ZNF619: variants seen among roughly 807,000 people sequenced by gnomAD.
ZNF619 encodes zinc finger protein 619.
ZNF619 carries 9 observed loss-of-function variants against 14.2 expected under a neutral mutation model. That is an observed-to-expected ratio of 0.64 (90% CI 0.38 to 1.11). The LOEUF (loss-of-function observed/expected upper bound fraction) is 1.11. Ranked by LOEUF, ZNF619 falls within the 50% of genes least tolerant of loss-of-function variation. The pLI is 0.01. For missense variants in ZNF619, 659 were observed against 680.1 expected, an observed-to-expected ratio of 0.97 and a Z score of 0.34; for synonymous variants, 246 against 252.8, an observed-to-expected ratio of 0.97 and a Z score of 0.26.
intron 2 of ZNF619, among the ~76,000 whole-genome samples, chr3:40,478,926 T>C (rs1159285555): frequency 6.6e-6 from 1 of 152,208 alleles, no homozygotes; most frequent in Non-Finnish European, 1.5e-5. Context: ...TGTGCTCTCC[T>C]GGTGCTTTGC....
At position 40,487,185 on chromosome 3, in the gene ZNF619, T is replaced by G. The variant is rs1697624299; in HGVS notation, c.675T>G (p.Val225=). The G allele has an allele frequency of 6.2e-7, 1 of 1,614,164 alleles. No individual in the cohort carries two copies. Among genetic ancestry groups the G allele is most frequent in the Non-Finnish European group, 8.5e-7 (1 of 1,180,032 alleles). The change falls in exon 5 of 5, where the codon GTT becomes GTG. Residue 225 remains valine (V), a synonymous_variant. Coordinates refer to ENST00000432264, the MANE Select transcript of ZNF619 (RefSeq NM_001145093.4). ...CAGACTTTCACCTGCATCAGAGAGT[T>G]CACACTAATGAGAAGCCCTACACAT... The part of the protein sequence containing the change: ...PHSDFHLHQR[V]HTNEKPYTCK...
In ZNF619 at chr3:40,488,799, C is replaced by G. The variant is rs1172846775; in HGVS notation, c.*558C>G. 6.6e-6 allele frequency: 1 copy of G among 152,584 alleles called. No individual in the cohort carries two copies. The highest frequency in any genetic ancestry group is 2.4e-5 in the African/African-American group (1 of 41,354). 9.5% of individuals were successfully genotyped at this position (152,584 alleles called of 1,614,324 possible). On this transcript the variant is annotated 3_prime_UTR_variant, in exon 5 of 5. Coordinates refer to ENST00000432264, the MANE Select transcript of ZNF619 (RefSeq NM_001145093.4). ...CCTCAGCCTCCCGAGTAGCTGGGAC[C>G]ACAGGCATGCACCACCACGCCCCGC...
rs117850976 is a variant in ZNF619, at chr3:40,482,975, C to T, written c.295+271C>T. On this transcript the variant is annotated intron_variant, in intron 4 of 4. Coordinates refer to ENST00000432264, the MANE Select transcript of ZNF619 (RefSeq NM_001145093.4). ...ACCTATATCCGAGCACTTTGGGAGGCCAAGGTGGGAGGGTGCTTGAGGCCA... is the reference window on the plus strand; with the variant it reads ...ACCTATATCCGAGCACTTTGGGAGGTCAAGGTGGGAGGGTGCTTGAGGCCA... Among the ~76,000 whole-genome samples, 114 of 152,264 alleles carry T rather than the reference C, an allele frequency of 7.5e-4. 1 individual carries two copies. In the East Asian group the frequency reaches 0.018, roughly 24 times the overall value.
In ZNF619 at chr3:40,488,429, C is replaced by T; in HGVS notation, c.*188C>T. The T allele has an allele frequency of 1.8e-6, 1 of 568,452 alleles. No individual in the cohort carries two copies. Among genetic ancestry groups the T allele is most frequent in the Non-Finnish European group, 3.1e-6 (1 of 323,584 alleles). 35.2% of individuals were successfully genotyped at this position (568,452 alleles called of 1,614,324 possible). A position where few individuals can be genotyped will look rare whatever the true frequency, so the allele number is the denominator to read the frequency against. On this transcript the variant is annotated 3_prime_UTR_variant, in exon 5 of 5. Transcript: ENST00000432264. Reference sequence around the variant, plus strand: ...TCTTTTATCCCCCGGTAGGAAATGGCAGTACTTATTCTTTATCGTGTCCAC... The same window carrying T: ...TCTTTTATCCCCCGGTAGGAAATGGTAGTACTTATTCTTTATCGTGTCCAC...
chr3:40,481,954 C>T lies in ZNF619; in HGVS notation c.116C>T (p.Pro39Leu). The T allele has an allele frequency of 6.2e-7, 1 of 1,613,580 alleles. No individual in the cohort carries two copies. Among genetic ancestry groups the T allele is most frequent in the Non-Finnish European group, 8.5e-7 (1 of 1,179,768 alleles). ...CAGAATGAATGGGCCAGCCTGCACC[C>T]TACGCAGAGGGCCCTATACAGGGAG... Reference protein sequence around the residue: ...FTQNEWASLHPTQRALYREVM... With the variant: ...FTQNEWASLHLTQRALYREVM... The change falls in exon 3 of 5, where the codon CCT becomes CTT. Residue 39 changes from proline to leucine, a missense_variant. Pro to Leu is a moderately conservative substitution (Grantham distance 98, BLOSUM62 -3). Transcript: ENST00000432264.
Position 40,487,939 on chromosome 3 carries a change from T to C in ZNF619, c.1429T>C (p.Trp477Arg), listed in dbSNP as rs769004535. Residue 477 changes from tryptophan to arginine, a missense_variant, in exon 5 of 5, where the codon TGG (tryptophan) becomes CGG (arginine). Trp to Arg is a moderately radical substitution (Grantham distance 101). Coordinates refer to ENST00000432264, the MANE Select transcript of ZNF619 (RefSeq NM_001145093.4). Reference sequence around the variant, plus strand: ...TGCAAGTTTCATCCAGCATCAGAAGTGGCATACTAGGAAGAAACTCATCAA... The same window carrying C: ...TGCAAGTTTCATCCAGCATCAGAAGCGGCATACTAGGAAGAAACTCATCAA... ...WNASFIQHQK[W>R]HTRKKLINGT... 6.2e-7 allele frequency: 1 copy of C among 1,614,052 alleles called. No homozygotes were observed. Among genetic ancestry groups the C allele is most frequent in the Admixed American group, 1.7e-5 (1 of 60,002 alleles).
Position 40,487,351 on chromosome 3 carries a change from C to T in ZNF619, c.841C>T (p.Leu281Phe). ...TTCCCACCTTCTTCAGCATCAGAAG[C>T]TCCATGGTGGACAGAGGCCCTATGA... ...QNSHLLQHQK[L>F]HGGQRPYECT... is the part of the protein sequence containing the mutation. Residue 281 changes from leucine to phenylalanine, a missense_variant, in exon 5 of 5, where the codon CTC becomes TTC. Coordinates refer to ENST00000432264, the MANE Select transcript of ZNF619 (RefSeq NM_001145093.4). 6.2e-7 allele frequency: 1 copy of T among 1,614,188 alleles called. No individual in the cohort carries two copies. Among genetic ancestry groups the T allele is most frequent in the Non-Finnish European group, 8.5e-7 (1 of 1,180,038 alleles).
At chr3:40,477,436 C>G (rs1697229881) in intron 1 of ZNF619, 79 bp downstream of exon 1, 1 of 156,478 alleles carries the variant, frequency 6.4e-6, no homozygotes, top group Non-Finnish European at 1.4e-5. Context: ...CCGGTTAGGT[C>G]TTCGGTCAGC....
Position 40,478,047 on chromosome 3 carries a change from T to A in ZNF619, c.24+44T>A, listed in dbSNP as rs1300190136. On this transcript the variant is annotated intron_variant, in intron 2 of 4. Coordinates refer to ENST00000432264, the MANE Select transcript of ZNF619 (RefSeq NM_001145093.4). ...CAGCTTTCCATACTCAGAACAGATA[T>A]GGAAGGTCAGTACAGCCCCAGTAGC... The A allele has an allele frequency of 3.9e-6, 6 of 1,544,258 alleles. No individual in the cohort carries two copies. The Admixed American group carries it at 1.2e-4, about 30-fold the overall frequency.
intron 4 of ZNF619, among the ~76,000 whole-genome samples, chr3:40,485,052 T>C (rs1424641903): frequency 1.3e-5 from 2 of 152,164 alleles, no homozygotes; most frequent in African/African-American, 4.8e-5. Context: ...CTCTGCCTCC[T>C]AATTAGATGG....
Position 40,489,156 on chromosome 3 carries a change from A to G in ZNF619, c.*915A>G, listed in dbSNP as rs751913994. ...TGTCTTTGAGCTTTATTGGAAGGGG[A>G]TATGGTTTTTCAATTTGGGTTCCTT... On this transcript the variant is annotated 3_prime_UTR_variant, in exon 5 of 5. Transcript: ENST00000432264. 3 of 151,006 alleles carry G rather than the reference A, an allele frequency of 2.0e-5. No individual in the cohort carries two copies. Among genetic ancestry groups the G allele is most frequent in the Non-Finnish European group, 4.4e-5 (3 of 67,718 alleles). The allele number at this position is 151,006 out of a possible 1,614,324, so 9.4% of individuals were successfully genotyped here.
At chr3:40,477,798 G>A (rs1253647824) in intron 1 of ZNF619, 120 bp from the exon 2 acceptor site, 1 of 610,824 alleles carries the variant, frequency 1.6e-6, no homozygotes, top group Non-Finnish European at 3.0e-6. Context: ...CAGTGGAGAG[G>A]GTGAATGACA....
rs1198823823 is a variant in ZNF619 at position 40,489,254 on chromosome 3, G to A, written c.*1013G>A. 1.3e-5 allele frequency: 2 copies of A among 148,482 alleles called. No homozygotes were observed. The highest frequency in any genetic ancestry group is 3.0e-5 in the Non-Finnish European group (2 of 66,738). The allele number at this position is 148,482 out of a possible 1,614,324, so 9.2% of individuals were successfully genotyped here. A position where few individuals can be genotyped will look rare whatever the true frequency, so the allele number is the denominator to read the frequency against. On this transcript the variant is annotated 3_prime_UTR_variant, in exon 5 of 5. Transcript: ENST00000432264. ...CATCCAGGCTGGATTGCAGTAGTGCGATCATGGATCACTGCAGTGTGTTGA... is the reference window on the plus strand; with the variant it reads ...CATCCAGGCTGGATTGCAGTAGTGCAATCATGGATCACTGCAGTGTGTTGA...
At position 40,487,719 on chromosome 3, in the gene ZNF619, T is replaced by G. The variant is rs1035620991; in HGVS notation, c.1209T>G (p.Asn403Lys). The change falls in exon 5 of 5, where the codon AAT becomes AAG. Residue 403 changes from asparagine (N) to lysine (K), a missense_variant. By Grantham distance (94) the Asn-to-Lys change is moderately conservative (BLOSUM62 0). Coordinates refer to ENST00000432264, the MANE Select transcript of ZNF619 (RefSeq NM_001145093.4). ...FHTGEQLYKC[N>K]ECWKTFSCSS... ...CTGGGGAACAACTCTACAAATGTAA[T>G]GAATGTTGGAAAACTTTCAGCTGTA... is the stretch of plus-strand genomic sequence containing the variant. The G allele has an allele frequency of 6.8e-6, 11 of 1,613,462 alleles. No homozygotes were observed. The African/African-American group carries it at 8.0e-5, about 12-fold the overall frequency.
chr3:40,481,907 G>A lies in ZNF619; in HGVS notation c.69G>A (p.Glu23=). The A allele has an allele frequency of 6.2e-7, 1 of 1,613,700 alleles. No individual in the cohort carries two copies. The highest frequency in any genetic ancestry group is 8.5e-7 in the Non-Finnish European group (1 of 1,179,748). The change falls in exon 3 of 5, where the codon GAG becomes GAA. Residue 23 remains glutamate (E), a synonymous_variant. Coordinates refer to ENST00000432264, the MANE Select transcript of ZNF619 (RefSeq NM_001145093.4). The part of the protein sequence containing the change: ...NLLFQEPVTF[E]DVAVYFTQNE... ...TGTTTCAGGAGCCAGTAACCTTTGA[G>A]GATGTGGCTGTGTACTTCACCCAGA...
At chr3:40,478,963 A>C (rs1386027554) in intron 2 of ZNF619, among the ~76,000 whole-genome samples, 1 of 152,180 alleles carries the variant, frequency 6.6e-6, no homozygotes, top group Non-Finnish European at 1.5e-5. Flanking sequence ...ACTTAGGATT[A>C]GATTCCCCAA....
In ZNF619 at chr3:40,482,705, G is replaced by A. The variant is rs1317682444; in HGVS notation, c.295+1G>A. 1.2e-6 allele frequency: 2 copies of A among 1,603,018 alleles called. No homozygotes were observed. The highest frequency in any genetic ancestry group is 1.7e-5 in the Admixed American group (1 of 57,730). On this transcript the variant is annotated splice_donor_variant, in intron 4 of 4. Coordinates refer to ENST00000432264, the MANE Select transcript of ZNF619 (RefSeq NM_001145093.4). LOFTEE classifies it high-confidence loss of function. ...GAGGCCCTGAGAGGCATGTGCACAG[G>A]TGAGCAGGAGAGCCTACCATCCTCC...
At chr3:40,478,219 G>A (rs1292724967) in intron 2 of ZNF619, among the ~76,000 whole-genome samples, 3 of 152,118 alleles carry the variant, frequency 2.0e-5, no homozygotes, top group African/African-American at 7.2e-5. Flanking sequence ...CTAGAAAGTG[G>A]GAATCTGCAT....
At chr3:40,482,339 A>C (rs766626991) in intron 3 of ZNF619, 1 of 1,554,706 alleles carries the variant, frequency 6.4e-7, no homozygotes, top group Non-Finnish European at 8.7e-7. Flanking sequence ...TCTTGGCCCT[A>C]TTGCCTATGT....
Sources: allele counts gnomAD v4.1 joint callset (sites outside exome capture counted in the v4.1 genomes callset), GRCh38; gene constraint gnomAD v4.1.1; transcripts MANE v1.5; gene names NCBI Gene and HGNC (gene_info 2026-07-23, HGNC 2026-07-21).